C8orf34: variants seen among roughly 807,000 people sequenced by gnomAD.
The protein encoded by C8orf34 is chromosome 8 open reading frame 34, also known as uncharacterized protein C8orf34.
Under a neutral mutation model 68.3 loss-of-function variants are expected in C8orf34, and 65 were observed. The observed-to-expected ratio is 0.95, with a 90% CI of 0.78 to 1.17. The LOEUF is 1.17. Ranked by LOEUF, C8orf34 falls within the 50% of genes most tolerant of loss-of-function variation. The pLI, the probability that C8orf34 is intolerant of heterozygous loss-of-function variation, is 0.00. For missense variants in C8orf34, 664 were observed against 655.4 expected (o/e 1.01, Z -0.14); for synonymous variants, 244 against 241.2 (o/e 1.01, Z -0.11).
intron 7 of C8orf34, among the ~76,000 whole-genome samples, chr8:68,610,069 A>G (rs1342591730): frequency 6.6e-6 from 1 of 152,158 alleles, no homozygotes; most frequent in Non-Finnish European, 1.5e-5. Context: ...AGAATTGAAG[A>G]CCAGTCTCAC....
chr8:68,362,511 T>G (rs1289360163), intron 1 of C8orf34, among the ~76,000 whole-genome samples: 1 of 152,178 alleles, frequency 6.6e-6, no homozygotes, highest in Non-Finnish European at 1.5e-5. Context: ...CCATCTGAGC[T>G]TTGAAGAGAG....
intron 7 of C8orf34, among the ~76,000 whole-genome samples, chr8:68,562,448 T>G (rs765460913): frequency 4.6e-5 from 7 of 152,224 alleles, no homozygotes; most frequent in Non-Finnish European, 1.0e-4. Context: ...AGTTTGACTC[T>G]ACAGCTGGCA....
At chr8:68,353,291 C>A (rs1244388972) in intron 1 of C8orf34, among the ~76,000 whole-genome samples, 1 of 151,716 alleles carries the variant, frequency 6.6e-6, no homozygotes, top group African/African-American at 2.4e-5. Flanking sequence ...AAGGGATGCC[C>A]ACATATATAA....
At chr8:68,613,650 T>C (rs1818097656) in intron 7 of C8orf34, among the ~76,000 whole-genome samples, 1 of 151,864 alleles carries the variant, frequency 6.6e-6, no homozygotes, top group South Asian at 2.1e-4. Flanking sequence ...TAGTATTCCA[T>C]GGTGTATATG....
At chr8:68,658,901 T>C (rs1368497646) in intron 8 of C8orf34, among the ~76,000 whole-genome samples, 1 of 152,210 alleles carries the variant, frequency 6.6e-6, no homozygotes, top group Non-Finnish European at 1.5e-5. Flanking sequence ...AAGTCATTTT[T>C]AAGCTAGCTC....
chr8:68,590,954 T>C lies in C8orf34; in HGVS notation c.1106-49422T>C, dbSNP rs979663355. ...TCTCCTTGGAGGCCATGGGCACCAT[T>C]ATGGCATTCCGAAGAACCCAGATGA... On this transcript the variant is annotated intron_variant, in intron 7 of 13. Coordinates refer to ENST00000518698, the MANE Select transcript of C8orf34 (RefSeq NM_052958.4). Among the ~76,000 whole-genome samples the C allele has an allele frequency of 2.0e-5, 3 of 152,222 alleles. No homozygotes were observed. The South Asian group carries it at 6.2e-4, about 32-fold the overall frequency.
intron 10 of C8orf34, among the ~76,000 whole-genome samples, chr8:68,751,617 T>A (rs1043833305): frequency 1.3e-5 from 2 of 152,130 alleles, no homozygotes; most frequent in Non-Finnish European, 2.9e-5. Context: ...ACAGTCAGCC[T>A]CTTATGCTGT....
chr8:68,505,701 G>A (rs1156425630), intron 5 of C8orf34, among the ~76,000 whole-genome samples: 6 of 91,240 alleles, frequency 6.6e-5, no homozygotes, highest in African/African-American at 1.1e-4. Context: ...ACTGCAGTCC[G>A]CAGTCCGGCC....
At chr8:68,349,932 C>T (rs1806441700) in intron 1 of C8orf34, among the ~76,000 whole-genome samples, 1 of 151,190 alleles carries the variant, frequency 6.6e-6, no homozygotes, top group Non-Finnish European at 1.5e-5. Context: ...TTTGGTTGAT[C>T]TTTTGAAAGG....
chr8:68,722,783 A>G (rs1176911116), intron 10 of C8orf34, among the ~76,000 whole-genome samples: 8 of 152,164 alleles, frequency 5.3e-5, no homozygotes, highest in South Asian at 2.1e-4. Context: ...ATAATATGAA[A>G]CACACACATA....
chr8:68,514,475 C>A (rs1356052702), intron 5 of C8orf34, among the ~76,000 whole-genome samples: 1 of 152,172 alleles, frequency 6.6e-6, no homozygotes, highest in Admixed American at 6.5e-5. Context: ...GCATCAGCTC[C>A]CTCTCATTTT....
chr8:68,754,855 T>A (rs958768345), intron 10 of C8orf34, among the ~76,000 whole-genome samples: 1 of 152,228 alleles, frequency 6.6e-6, no homozygotes, highest in African/African-American at 2.4e-5. Context: ...GCAACTGTAC[T>A]ATATATATCT....
chr8:68,667,346 T>C (rs1415033052), intron 8 of C8orf34, among the ~76,000 whole-genome samples: 1 of 152,226 alleles, frequency 6.6e-6, no homozygotes, highest in African/African-American at 2.4e-5. Flanking sequence ...GTATCTTCTC[T>C]GATTTCCAAA....
chr8:68,411,310 AT>A (rs1302833372), intron 1 of C8orf34, among the ~76,000 whole-genome samples: 1 of 152,188 alleles, frequency 6.6e-6, no homozygotes, highest in East Asian at 1.9e-4. Flanking sequence ...GAAGAAAAAT[AT>A]TTTTGGTCAA....
At chr8:68,540,536 C>T (rs1017471903) in intron 7 of C8orf34, among the ~76,000 whole-genome samples, 22 of 151,888 alleles carry the variant, frequency 1.4e-4, no homozygotes, top group Admixed American at 1.4e-3. Context: ...TGAGAGGACT[C>T]TGTATTTAAA....
At chr8:68,674,053 G>A (rs1585709620) in intron 8 of C8orf34, among the ~76,000 whole-genome samples, 1 of 152,178 alleles carries the variant, frequency 6.6e-6, no homozygotes, top group Non-Finnish European at 1.5e-5. Context: ...CTATGAGTCT[G>A]CAAGAGCTGC....
chr8:68,787,194 A>T (rs932084753), intron 11 of C8orf34, among the ~76,000 whole-genome samples: 1 of 152,202 alleles, frequency 6.6e-6, no homozygotes, highest in Non-Finnish European at 1.5e-5. Context: ...ATTAATTCAT[A>T]AGGAATACAG....
intron 5 of C8orf34, among the ~76,000 whole-genome samples, chr8:68,516,579 C>A (rs1586300335): frequency 6.6e-6 from 1 of 152,086 alleles, no homozygotes; most frequent in East Asian, 1.9e-4. Flanking sequence ...AGCCATACTG[C>A]AGAAATTGGT....
chr8:68,630,644 T>A (rs2130693312), intron 7 of C8orf34, among the ~76,000 whole-genome samples: 1 of 152,318 alleles, frequency 6.6e-6, no homozygotes, highest in East Asian at 1.9e-4. Context: ...TATATTTATG[T>A]CATTGAGGAA....
Sources: gnomAD v4.1 joint callset for allele counts (sites outside exome capture counted in the v4.1 genomes callset) on GRCh38, gnomAD v4.1.1 for gene constraint, MANE v1.5 for transcripts, NCBI Gene and HGNC (gene_info 2026-07-23, HGNC 2026-07-21) for gene names.